The following TMTC2 variants were observed in gnomAD, a reference collection of about 807,000 sequenced individuals.
TMTC2 encodes the protein transmembrane O-mannosyltransferase targeting cadherins 2, also known as protein O-mannosyl-transferase TMTC2.
In TMTC2, 43 loss-of-function variants were observed where a neutral mutation model predicts 82.4. The ratio of observed to expected loss-of-function variants is 0.52; its 90% CI spans 0.41 to 0.67. The LOEUF (loss-of-function observed/expected upper bound fraction) is 0.67, where lower values mean the gene tolerates loss of function less well. TMTC2 is among the 30% of genes least tolerant of loss of function. The probability of loss-of-function intolerance (pLI) is 0.00; values close to 1 mark genes in which losing one functional copy is unlikely to be tolerated. For synonymous variants in TMTC2, 408 were observed against 381.9 expected, an observed-to-expected ratio of 1.07 and a Z score of -0.80; for missense variants, 919 against 1,012.4, an observed-to-expected ratio of 0.91 and a Z score of 1.25.
rs763176928 is a variant in TMTC2 at position 82,701,589 on chromosome 12, T to TA, written c.83+13943dup. ...CAACATGGAGAAACCCCGTCTTTAC[T>TA]AAAAAAAAAAAAAAAAAAAAAAATT... On this transcript the variant is annotated intron_variant, in intron 1 of 11. Transcript: ENST00000321196. Among the ~76,000 whole-genome samples the TA allele has an allele frequency of 8.5e-3, 777 of 91,872 alleles. 9 individuals carry two copies. The highest frequency in any genetic ancestry group is 0.017 in the African/African-American group (414 of 24,040). 60.3% of individuals were successfully genotyped at this position (91,872 alleles called of 152,430 possible).
At chr12:83,041,427 C>T (rs1004947652) in intron 9 of TMTC2, among the ~76,000 whole-genome samples, 8 of 152,036 alleles carry the variant, frequency 5.3e-5, no homozygotes, top group South Asian at 2.1e-4. Flanking sequence ...GATTTATTTA[C>T]GGTTTTATAA....
intron 4 of TMTC2, among the ~76,000 whole-genome samples, chr12:82,946,425 C>G (rs891595933): frequency 1.3e-5 from 2 of 152,232 alleles, no homozygotes; most frequent in East Asian, 1.9e-4. Context: ...CTCTTTCTCC[C>G]TTCTTCTCTC....
chr12:82,960,587 C>T (rs1294394140), intron 4 of TMTC2, among the ~76,000 whole-genome samples: 1 of 151,650 alleles, frequency 6.6e-6, no homozygotes, highest in Non-Finnish European at 1.5e-5. Flanking sequence ...ATATTCATGG[C>T]CATAAGATGG....
intron 10 of TMTC2, among the ~76,000 whole-genome samples, chr12:83,059,359 T>C (rs893990723): frequency 4.0e-5 from 6 of 151,854 alleles, no homozygotes; most frequent in Admixed American, 2.6e-4. Context: ...TCATGAGTTA[T>C]TCTCCTTTGT....
chr12:82,993,683 C>T (rs1315958748), intron 8 of TMTC2, among the ~76,000 whole-genome samples: 1 of 152,154 alleles, frequency 6.6e-6, no homozygotes, highest in East Asian at 1.9e-4. Context: ...GGGCTGGCCG[C>T]TCTAACCCTC....
intron 1 of TMTC2, among the ~76,000 whole-genome samples, chr12:82,799,257 T>A (rs549222409): frequency 9.9e-5 from 15 of 152,238 alleles, no homozygotes; most frequent in African/African-American, 3.6e-4. Context: ...TTTAATGACC[T>A]GCCCTGATGG....
intron 2 of TMTC2, 54 bp downstream of exon 2, chr12:82,857,634 C>T: frequency 6.7e-7 from 1 of 1,489,458 alleles, no homozygotes; most frequent in Non-Finnish European, 9.0e-7. Flanking sequence ...TACTTGCTTA[C>T]TCCTTTGCCA....
chr12:83,024,474 C>T (rs1183945370), intron 8 of TMTC2, among the ~76,000 whole-genome samples: 1 of 152,118 alleles, frequency 6.6e-6, no homozygotes, highest in African/African-American at 2.4e-5. Context: ...ATGTGATTTG[C>T]ATTGGTTGTG....
At chr12:82,921,660 T>A (rs1380264203) in intron 3 of TMTC2, among the ~76,000 whole-genome samples, 1 of 152,144 alleles carries the variant, frequency 6.6e-6, no homozygotes, top group East Asian at 1.9e-4. Context: ...ATTTGGAAAC[T>A]TCATTGGGAA....
chr12:83,027,817 C>T (rs1413742871), intron 8 of TMTC2, among the ~76,000 whole-genome samples: 1 of 152,088 alleles, frequency 6.6e-6, no homozygotes, highest in Non-Finnish European at 1.5e-5. Flanking sequence ...GGGTACTGTC[C>T]TTTGAGTTTT....
intron 10 of TMTC2, among the ~76,000 whole-genome samples, chr12:83,052,450 A>G (rs988549893): frequency 6.6e-6 from 1 of 152,148 alleles, no homozygotes; most frequent in Non-Finnish European, 1.5e-5. Context: ...AATCTGCAAG[A>G]GCCTTCAATG....
chr12:82,857,911 A>T (rs1039358956), intron 2 of TMTC2, among the ~76,000 whole-genome samples: 2 of 152,254 alleles, frequency 1.3e-5, no homozygotes, highest in African/African-American at 4.8e-5. Flanking sequence ...TAAATTGTCT[A>T]TAACGTGTAT....
chr12:82,843,855 C>G (rs1032186949), intron 1 of TMTC2, among the ~76,000 whole-genome samples: 5 of 152,030 alleles, frequency 3.3e-5, no homozygotes, highest in South Asian at 4.1e-4. Context: ...GGCTGATGTA[C>G]GAGAATCACT....
chr12:82,904,050 A>AT lies in TMTC2; in HGVS notation c.1483+7411dup, dbSNP rs1294057419. Reference sequence around the variant, plus strand: ...AACTCTTCCAATCCAGGTTTCTTATATTTTTTTCTGTTTATAAGATGTTAA... The same window carrying AT: ...AACTCTTCCAATCCAGGTTTCTTATATTTTTTTTCTGTTTATAAGATGTTAA... On this transcript the variant is annotated intron_variant, in intron 3 of 11. Transcript: ENST00000321196. 6.6e-5 allele frequency among the ~76,000 whole-genome samples: 10 copies of AT among 151,996 alleles called. No homozygotes were observed. In the East Asian group the frequency reaches 1.4e-3, roughly 21 times the overall value.
intron 1 of TMTC2, among the ~76,000 whole-genome samples, chr12:82,772,946 TA>T (rs1592509704): frequency 6.6e-6 from 1 of 152,240 alleles, no homozygotes; most frequent in Non-Finnish European, 1.5e-5. Flanking sequence ...TTAATTACTT[TA>T]GAAAATTGTC....
At chr12:83,056,765 G>A (rs1882559608) in intron 10 of TMTC2, among the ~76,000 whole-genome samples, 1 of 151,816 alleles carries the variant, frequency 6.6e-6, no homozygotes, top group Non-Finnish European at 1.5e-5. Context: ...ACAATCACAA[G>A]GCTCTTATTT....
intron 2 of TMTC2, among the ~76,000 whole-genome samples, chr12:82,871,998 GAAC>G (rs1360231459): frequency 7.3e-6 from 1 of 137,690 alleles, no homozygotes; most frequent in African/African-American, 3.0e-5. Flanking sequence ...CAAAAAAGTT[GAAC>G]AACACCCCCC....
intron 1 of TMTC2, among the ~76,000 whole-genome samples, chr12:82,765,456 C>T (rs1213346970): frequency 1.3e-5 from 2 of 152,050 alleles, no homozygotes; most frequent in Non-Finnish European, 2.9e-5. Flanking sequence ...GGGCAGATCA[C>T]CTGAGGTTGG....
chr12:82,910,687 C>T (rs12312651), intron 3 of TMTC2, among the ~76,000 whole-genome samples: 11,762 of 152,144 alleles, frequency 0.077, 549 homozygotes, highest in Non-Finnish European at 0.1. Context: ...CCATGGAGTC[C>T]GGCTGCTCCC....
Sources: allele counts gnomAD v4.1 joint callset (sites outside exome capture counted in the v4.1 genomes callset), GRCh38; gene constraint gnomAD v4.1.1; transcripts MANE v1.5; gene names NCBI Gene and HGNC (gene_info 2026-07-23, HGNC 2026-07-21).